The following PDE4D variants were observed in gnomAD, a reference collection of about 807,000 sequenced individuals.
PDE4D encodes 3',5'-cyclic-AMP phosphodiesterase 4D.
PDE4D carries 24 observed loss-of-function variants against 87.4 expected under a neutral mutation model. The observed-to-expected ratio is 0.27, with a 90% CI of 0.20 to 0.39. PDE4D has a LOEUF of 0.39. Among genes scored for constraint, PDE4D ranks in the 10% least tolerant of loss-of-function variants. The probability of loss-of-function intolerance (pLI) is 1.00; values close to 1 mark genes in which losing one functional copy is unlikely to be tolerated. For synonymous variants in PDE4D, 384 were observed against 383.2 expected (o/e 1.00, Z -0.02); for missense variants, 714 against 1,041.0 (o/e 0.69, Z 4.32).
chr5:59,095,045 A>C (rs1031245066), intron 5 of PDE4D, among the ~76,000 whole-genome samples: 1 of 152,102 alleles, frequency 6.6e-6, no homozygotes, highest in African/African-American at 2.4e-5. Flanking sequence ...ACCTCTGAAA[A>C]GATGGCTCAA....
chr5:60,501,925 G>A (rs1750098614), intron 1 of PDE4D, among the ~76,000 whole-genome samples: 2 of 152,136 alleles, frequency 1.3e-5, no homozygotes, highest in African/African-American at 4.8e-5. Flanking sequence ...TGAATAGATT[G>A]TGAAAATTTT....
chr5:59,241,708 A>G (rs1391953746), intron 1 of PDE4D, among the ~76,000 whole-genome samples: 2 of 152,172 alleles, frequency 1.3e-5, no homozygotes, highest in East Asian at 3.9e-4. Context: ...TTGACTTGAA[A>G]TAAGTAGGCA....
At chr5:60,227,650 C>T (rs893174615) in intron 1 of PDE4D, among the ~76,000 whole-genome samples, 2 of 148,446 alleles carry the variant, frequency 1.3e-5, no homozygotes, top group East Asian at 2.0e-4. Context: ...GAGGAAGGAA[C>T]GAAGGAAAGA....
intron 1 of PDE4D, among the ~76,000 whole-genome samples, chr5:60,326,340 A>G (rs75923288): frequency 0.03 from 4,604 of 152,118 alleles, 210 homozygotes; most frequent in African/African-American, 0.11. Flanking sequence ...TGCTCTTGTC[A>G]TTACTTTTTA....
chr5:59,548,795 T>A (rs897466994), intron 1 of PDE4D, among the ~76,000 whole-genome samples: 1 of 152,194 alleles, frequency 6.6e-6, no homozygotes, highest in Non-Finnish European at 1.5e-5. Flanking sequence ...AAGTCTCAGC[T>A]CTGCAGGGTG....
chr5:59,160,931 A>C (rs942042147), intron 5 of PDE4D, among the ~76,000 whole-genome samples: 2 of 152,124 alleles, frequency 1.3e-5, no homozygotes, highest in African/African-American at 4.8e-5. Context: ...CCCTGTCTCT[A>C]CTAAAAATGC....
intron 1 of PDE4D, among the ~76,000 whole-genome samples, chr5:59,843,280 A>G (rs1024486834): frequency 6.6e-6 from 1 of 151,978 alleles, no homozygotes; most frequent in Non-Finnish European, 1.5e-5. Flanking sequence ...AATTAGAAAT[A>G]TGGTCTGTTC....
intron 6 of PDE4D, among the ~76,000 whole-genome samples, chr5:59,027,714 C>A (rs1170820090): frequency 6.6e-6 from 1 of 152,000 alleles, no homozygotes; most frequent in Non-Finnish European, 1.5e-5. Context: ...TTGAGCAGGT[C>A]CTTACTTTTT....
At chr5:59,631,649 G>A (rs1831575941) in intron 1 of PDE4D, among the ~76,000 whole-genome samples, 1 of 152,108 alleles carries the variant, frequency 6.6e-6, no homozygotes, top group African/African-American at 2.4e-5. Context: ...AAGGGGCTCG[G>A]GAACTCCCTC....
chr5:59,211,399 C>A (rs1302686395), intron 2 of PDE4D, among the ~76,000 whole-genome samples: 1 of 152,040 alleles, frequency 6.6e-6, no homozygotes, highest in Non-Finnish European at 1.5e-5. Context: ...GAGTTGGCTG[C>A]ATATTTACTT....
At chr5:59,099,389 C>G (rs983770174) in intron 5 of PDE4D, among the ~76,000 whole-genome samples, 1 of 152,160 alleles carries the variant, frequency 6.6e-6, no homozygotes, top group African/African-American at 2.4e-5. Context: ...CATCTTACTA[C>G]CTGGGTCAGA....
At chr5:59,418,595 T>C (rs1793995203) in intron 1 of PDE4D, among the ~76,000 whole-genome samples, 1 of 152,136 alleles carries the variant, frequency 6.6e-6, no homozygotes, top group African/African-American at 2.4e-5. Flanking sequence ...TGGGACAATA[T>C]TTAGAGAACA....
chr5:59,595,742 G>T (rs1230509414), intron 1 of PDE4D, among the ~76,000 whole-genome samples: 4 of 152,020 alleles, frequency 2.6e-5, no homozygotes, highest in East Asian at 3.9e-4. Flanking sequence ...TATTCCTCTG[G>T]ATGTTTCTAT....
chr5:59,967,076 C>T (rs534070272), intron 3 of PDE4D, among the ~76,000 whole-genome samples: 2 of 151,976 alleles, frequency 1.3e-5, no homozygotes, highest in Non-Finnish European at 2.9e-5. Flanking sequence ...TCTCAAATGC[C>T]CCAGGAATCA....
At chr5:59,750,135 C>T (rs1039114290) in intron 1 of PDE4D, among the ~76,000 whole-genome samples, 1 of 146,512 alleles carries the variant, frequency 6.8e-6, no homozygotes, top group African/African-American at 2.5e-5. Context: ...CTCTAGTCCA[C>T]ACTGCCAATA....
At chr5:59,402,435 A>C (rs1007392560) in intron 1 of PDE4D, among the ~76,000 whole-genome samples, 7 of 152,140 alleles carry the variant, frequency 4.6e-5, no homozygotes, top group Non-Finnish European at 1.0e-4. Flanking sequence ...CCAGGTGTAC[A>C]TGTCTCCTCT....
At chr5:59,756,173 C>T (rs1404899945) in intron 1 of PDE4D, among the ~76,000 whole-genome samples, 4 of 151,650 alleles carry the variant, frequency 2.6e-5, no homozygotes. Flanking sequence ...GAAAATGAAA[C>T]TATGAAGGGT....
At chr5:60,047,254 CT>C (rs1470990279) in intron 2 of PDE4D, among the ~76,000 whole-genome samples, 2 of 152,140 alleles carry the variant, frequency 1.3e-5, no homozygotes, top group Admixed American at 6.5e-5. Context: ...TGATTCTTCT[CT>C]CTTTTTTTCT....
chr5:60,319,486 G>A (rs1473865957), intron 1 of PDE4D, among the ~76,000 whole-genome samples: 3 of 152,150 alleles, frequency 2.0e-5, no homozygotes, highest in African/African-American at 7.2e-5. Flanking sequence ...CTCTCAACTC[G>A]TCAAAGTCAT....
Sources: gnomAD v4.1 joint callset for allele counts (sites outside exome capture counted in the v4.1 genomes callset) on GRCh38, gnomAD v4.1.1 for gene constraint, MANE v1.5 for transcripts, NCBI Gene and HGNC (gene_info 2026-07-23, HGNC 2026-07-21) for gene names.